The following UBQLN3 variants were observed in gnomAD, a reference collection of about 807,000 sequenced individuals.
The protein encoded by UBQLN3 is ubiquilin 3, also known as ubiquilin-3.
In UBQLN3, 1 loss-of-function variant was observed where a neutral mutation model predicts 2.9. The observed-to-expected ratio is 0.35, with a 90% CI of 0.12 to 1.66. The LOEUF (loss-of-function observed/expected upper bound fraction) is 1.66. Ranked by LOEUF, UBQLN3 falls within the 40% of genes most tolerant of loss-of-function variation. The pLI is 0.35. For synonymous variants in UBQLN3, 358 were observed against 317.6 expected, an observed-to-expected ratio of 1.13 and a Z score of -1.35; for missense variants, 924 against 816.5, an observed-to-expected ratio of 1.13 and a Z score of -1.61.
chr11:5,508,537 C>A lies in UBQLN3; in HGVS notation c.1022G>T (p.Arg341Met), dbSNP rs767190565. The A allele has an allele frequency of 2.5e-6, 4 of 1,614,130 alleles. No homozygotes were observed. The highest frequency in any genetic ancestry group is 1.7e-5 in the Admixed American group (1 of 60,014). Reference sequence around the variant, plus strand: ...TAATTGCTGGAGATAGTCATAGAGCCTTATAATACCCAGAAAGTTTGGAAA... The same window carrying A: ...TAATTGCTGGAGATAGTCATAGAGCATTATAATACCCAGAAAGTTTGGAAA... ...NRFPNFLGII[R>M]LYDYLQQLHE... Residue 341 changes from arginine (R) to methionine (M), a missense_variant, in exon 2 of 2, where the codon AGG becomes ATG. Transcript: ENST00000311659. This position sits in a 1 kb window ranked among gnomAD's most constrained non-coding sequence, Gnocchi z 4.2.
At position 5,508,584 on chromosome 11, in the gene UBQLN3, A is replaced by C. The variant is rs780175402; in HGVS notation, c.975T>G (p.Asp325Glu). The C allele has an allele frequency of 1.2e-6, 2 of 1,614,110 alleles. No homozygotes were observed. Among genetic ancestry groups the C allele is most frequent in the Non-Finnish European group, 1.7e-6 (2 of 1,180,014 alleles). ...GAAACCTATTTCTAATGTCAGGTGC[A>C]TCCTGATCCCCATCCTGCCTTCCTT... ...SRQGRQDGDQ[D>E]APDIRNRFPN... Residue 325 changes from aspartate to glutamate, a missense_variant, in exon 2 of 2, where the codon GAT becomes GAG. By Grantham distance (45) the Asp-to-Glu change is conservative. Transcript: ENST00000311659. The surrounding 1 kb of genome is among the most constrained non-coding windows in gnomAD (Gnocchi z 4.2).
At position 5,507,684 on chromosome 11, in the gene UBQLN3, G is replaced by A; in HGVS notation, c.1875C>T (p.Ser625=). 1 of 1,614,126 alleles carries A rather than the reference G, an allele frequency of 6.2e-7. No homozygotes were observed. The highest frequency in any genetic ancestry group is 1.3e-5 in the African/African-American group (1 of 75,050). The change falls in exon 2 of 2, where the codon TCC becomes TCT. Residue 625 remains serine, a synonymous_variant. Coordinates refer to ENST00000311659, the MANE Select transcript of UBQLN3 (RefSeq NM_017481.4). ...HFQVQLEQLR[S]MGFLNREANL... is the part of the protein sequence containing the mutation. ...TGGCTTCACGATTCAGAAAGCCCAT[G>A]GACCGCAGTTGCTCCAGCTGCACCT...
rs1312221208 is a variant in UBQLN3, at chr11:5,507,370, G to A, written c.*221C>T. ...GCAGAGCTTAGACTGGGGCCCCCCA[G>A]TGGTATAGTGGTACAAGTGGTTGAC... is the stretch of plus-strand genomic sequence containing the variant. On this transcript the variant is annotated 3_prime_UTR_variant, in exon 2 of 2. Coordinates refer to ENST00000311659, the MANE Select transcript of UBQLN3 (RefSeq NM_017481.4). 1.4e-5 allele frequency: 12 copies of A among 861,764 alleles called. No individual in the cohort carries two copies. The highest frequency in any genetic ancestry group is 1.8e-5 in the Non-Finnish European group (11 of 611,222). The allele number at this position is 861,764 out of a possible 1,614,324, so 53.4% of individuals were successfully genotyped here. A position where few individuals can be genotyped will look rare whatever the true frequency, so the allele number is the denominator to read the frequency against.
chr11:5,507,636 C>G lies in UBQLN3; in HGVS notation c.1923G>C (p.Thr641=), dbSNP rs146055311. Residue 641 remains threonine, a synonymous_variant, in exon 2 of 2, where the codon ACG becomes ACC. Coordinates refer to ENST00000311659, the MANE Select transcript of UBQLN3 (RefSeq NM_017481.4). ...CCACAGCAGCATCCACGTCGCCCCC[C>G]GTAGCAATGAGGGCCTGAAGATTGG... The part of the protein sequence containing the change: ...REANLQALIA[T]GGDVDAAVEK... 2.5e-6 allele frequency: 4 copies of G among 1,613,464 alleles called. No individual in the cohort carries two copies. The highest frequency in any genetic ancestry group is 1.3e-5 in the African/African-American group (1 of 74,926).
In UBQLN3 at chr11:5,509,500, T is replaced by C. The variant is rs919277785; in HGVS notation, c.59A>G (p.His20Arg). The part of the protein sequence containing the change: ...QGSPAPVQDP[H>R]LIKVTVKTPK... ...CGTCTTCACTGTCACCTTGATGAGG[T>C]GGGGATCCTGGACTGGTGCTGGGCT... The change falls in exon 2 of 2, where the codon CAC (histidine) becomes CGC (arginine). Residue 20 changes from histidine to arginine, a missense_variant. Transcript: ENST00000311659. 1 of 1,614,214 alleles carries C rather than the reference T, an allele frequency of 6.2e-7. No individual in the cohort carries two copies.
chr11:5,508,264 T>C lies in UBQLN3; in HGVS notation c.1295A>G (p.Lys432Arg), dbSNP rs748040510. The stretch of plus-strand genomic sequence containing the variant: ...GTTTGTGCTATGTCCAGTAGAGCTT[T>C]TCCCTGCACCATCTTGGTCTCCACC... ...GQGGDQDGAG[K>R]SSTGHSTNLP... Residue 432 changes from lysine (K) to arginine (R), a missense_variant, in exon 2 of 2, where the codon AAA becomes AGA. Lys to Arg is a conservative substitution (Grantham distance 26). Coordinates refer to ENST00000311659, the MANE Select transcript of UBQLN3 (RefSeq NM_017481.4). The surrounding 1 kb of genome is among the most constrained non-coding windows in gnomAD (Gnocchi z 4.2). The C allele has an allele frequency of 1.4e-5, 23 of 1,614,110 alleles. No individual in the cohort carries two copies. The highest frequency in any genetic ancestry group is 1.9e-5 in the Non-Finnish European group (23 of 1,180,012).
rs201418579 is a variant in UBQLN3, at chr11:5,509,116, C to T, written c.443G>A (p.Arg148His). Residue 148 changes from arginine to histidine, a missense_variant, in exon 2 of 2, where the codon CGT becomes CAT. By Grantham distance (29) the Arg-to-His change is conservative. Transcript: ENST00000311659. Reference protein sequence around the residue: ...TGLSRLGLAYRGFPDQPSSLM... With the variant: ...TGLSRLGLAYHGFPDQPSSLM... Reference sequence around the variant, plus strand: ...GGAGCTTGGCTGGTCAGGGAAGCCACGATAGGCCAAGCCCAGCCTACTGAG... The same window carrying T: ...GGAGCTTGGCTGGTCAGGGAAGCCATGATAGGCCAAGCCCAGCCTACTGAG... 71 of 1,614,108 alleles carry T rather than the reference C, an allele frequency of 4.4e-5. 1 individual carries two copies. In the Middle Eastern group the frequency reaches 5.0e-4, roughly 11 times the overall value.
In UBQLN3 at chr11:5,509,384, C is replaced by A. The variant is rs556714553; in HGVS notation, c.175G>T (p.Asp59Tyr). 2 of 1,614,120 alleles carry A rather than the reference C, an allele frequency of 1.2e-6. No individual in the cohort carries two copies. The highest frequency in any genetic ancestry group is 1.7e-6 in the Non-Finnish European group (2 of 1,180,002). ...EISQRFKAHPDQLVLIFAGKI... is the reference protein window; with the variant it reads ...EISQRFKAHPYQLVLIFAGKI... ...CCAGCAAAGATTAGAACAAGCTGAT[C>A]GGGGTGGGCCTTAAAGCGCTGAGAT... is the stretch of plus-strand genomic sequence containing the variant. The change falls in exon 2 of 2, where the codon GAT becomes TAT. Residue 59 changes from aspartate to tyrosine, a missense_variant. By Grantham distance (160) the Asp-to-Tyr change is radical. Transcript: ENST00000311659.
chr11:5,508,039 A>T lies in UBQLN3; in HGVS notation c.1520T>A (p.Leu507Gln). Residue 507 changes from leucine to glutamine, a missense_variant, in exon 2 of 2, where the codon CTG (leucine) becomes CAG (glutamine). Transcript: ENST00000311659. This position sits in a 1 kb window ranked among gnomAD's most constrained non-coding sequence, Gnocchi z 4.2. ...CATGGCTGCCTGAAGGTGCATCAGC[A>T]GTGGCAGCTGTGGTTGTATCTCATC... ...LQDEIQPQLP[L>Q]LMHLQAAMAN... 6.2e-7 allele frequency: 1 copy of T among 1,614,046 alleles called. No individual in the cohort carries two copies. Among genetic ancestry groups the T allele is most frequent in the South Asian group, 1.1e-5 (1 of 91,082 alleles).
rs1019002730 is a variant in UBQLN3 at position 5,508,046 on chromosome 11, G to A, written c.1513C>T (p.Leu505=). 7.4e-6 allele frequency: 12 copies of A among 1,613,932 alleles called. No individual in the cohort carries two copies. The highest frequency in any genetic ancestry group is 5.5e-5 in the South Asian group (5 of 91,084). ...GCCTGAAGGTGCATCAGCAGTGGCA[G>A]CTGTGGTTGTATCTCATCCTGTAAC... ...PQLQDEIQPQ[L]PLLMHLQAAM... The change falls in exon 2 of 2, where the codon CTG becomes TTG. Residue 505 remains leucine, a synonymous_variant. Coordinates refer to ENST00000311659, the MANE Select transcript of UBQLN3 (RefSeq NM_017481.4). The surrounding 1 kb of genome is among the most constrained non-coding windows in gnomAD (Gnocchi z 4.2).
rs1846409837 is a variant in UBQLN3, at chr11:5,508,057, A to G, written c.1502T>C (p.Ile501Thr). 1 of 1,614,026 alleles carries G rather than the reference A, an allele frequency of 6.2e-7. No individual in the cohort carries two copies. Among genetic ancestry groups the G allele is most frequent in the Non-Finnish European group, 8.5e-7 (1 of 1,180,028 alleles). ...CATCAGCAGTGGCAGCTGTGGTTGT[A>G]TCTCATCCTGTAACTGTGGAGCTGG... The part of the protein sequence containing the change: ...MNPAPQLQDE[I>T]QPQLPLLMHL... Residue 501 changes from isoleucine (I) to threonine (T), a missense_variant, in exon 2 of 2, where the codon ATA becomes ACA. Ile to Thr is a moderately conservative substitution (Grantham distance 89, BLOSUM62 -1). Coordinates refer to ENST00000311659, the MANE Select transcript of UBQLN3 (RefSeq NM_017481.4). The surrounding 1 kb of genome is among the most constrained non-coding windows in gnomAD (Gnocchi z 4.2).
Position 5,508,641 on chromosome 11 carries a change from C to T in UBQLN3, c.918G>A (p.Trp306Ter). 1 of 1,614,046 alleles carries T rather than the reference C, an allele frequency of 6.2e-7. No homozygotes were observed. Among genetic ancestry groups the T allele is most frequent in the Non-Finnish European group, 8.5e-7 (1 of 1,180,008 alleles). The change falls in exon 2 of 2, where the codon TGG (tryptophan) becomes TGA (stop). Residue 306 changes from tryptophan (W) to a stop codon, truncating the protein, a stop_gained. Coordinates refer to ENST00000311659, the MANE Select transcript of UBQLN3 (RefSeq NM_017481.4). LOFTEE classifies it low-confidence loss of function (END_TRUNC). The surrounding 1 kb of genome is among the most constrained non-coding windows in gnomAD (Gnocchi z 4.2). ...TACCTGAGCCTCCATGTGTGGAAGT[C>T]CAGGGGTTGGGGAGAGGGTCACAAT... ...MENCDPLPNP[W>*]TSTHGGSGSR...
rs1846394840 is a variant in UBQLN3, at chr11:5,507,543, T to C, written c.*48A>G. On this transcript the variant is annotated 3_prime_UTR_variant, in exon 2 of 2. Transcript: ENST00000311659. ...ATGGGAGAGCTAGGGAACTAGGATA[T>C]GGGAAAAAGGCACAGAGGAAAACGT... 1 of 1,530,288 alleles carries C rather than the reference T, an allele frequency of 6.5e-7. No individual in the cohort carries two copies. Among genetic ancestry groups the C allele is most frequent in the Non-Finnish European group, 8.8e-7 (1 of 1,139,484 alleles). The allele number at this position is 1,530,288 out of a possible 1,614,324, so 94.8% of individuals were successfully genotyped here. A position where few individuals can be genotyped will look rare whatever the true frequency, so the allele number is the denominator to read the frequency against.
Position 5,508,942 on chromosome 11 carries a change from T to G in UBQLN3, c.617A>C (p.Glu206Ala). The change falls in exon 2 of 2, where the codon GAG becomes GCG. Residue 206 changes from glutamate to alanine, a missense_variant. By Grantham distance (107) the Glu-to-Ala change is moderately radical. Coordinates refer to ENST00000311659, the MANE Select transcript of UBQLN3 (RefSeq NM_017481.4). This position sits in a 1 kb window ranked among gnomAD's most constrained non-coding sequence, Gnocchi z 4.2. Reference protein sequence around the residue: ...HMQQLIQHNPEIGHILNNPEI... With the variant: ...HMQQLIQHNPAIGHILNNPEI... ...CGGGTTGTTAAGAATATGCCCAATC[T>G]CAGGGTTGTGCTGGATCAGCTGCTG... 2 of 1,614,132 alleles carry G rather than the reference T, an allele frequency of 1.2e-6. No homozygotes were observed. Among genetic ancestry groups the G allele is most frequent in the South Asian group, 1.1e-5 (1 of 91,080 alleles).
Position 5,509,355 on chromosome 11 carries a change from T to G in UBQLN3, c.204A>C (p.Lys68Asn), listed in dbSNP as rs767042348. 5 of 1,614,152 alleles carry G rather than the reference T, an allele frequency of 3.1e-6. No individual in the cohort carries two copies. In the South Asian group the frequency reaches 5.5e-5, roughly 18 times the overall value. The change falls in exon 2 of 2, where the codon AAA becomes AAC. Residue 68 changes from lysine (K) to asparagine (N), a missense_variant. Physicochemically the swap from Lys to Asn is moderately conservative, Grantham distance 94 (BLOSUM62 0). Coordinates refer to ENST00000311659, the MANE Select transcript of UBQLN3 (RefSeq NM_017481.4). ...PDQLVLIFAG[K>N]ILKDPDSLAQ... ...CCAGTGAGTCAGGATCCTTGAGGAT[T>G]TTGCCAGCAAAGATTAGAACAAGCT...
In UBQLN3 at chr11:5,507,871, T is replaced by C. The variant is rs1455160763; in HGVS notation, c.1688A>G (p.Glu563Gly). 6.2e-7 allele frequency: 1 copy of C among 1,613,788 alleles called. No individual in the cohort carries two copies. Among genetic ancestry groups the C allele is most frequent in the Non-Finnish European group, 8.5e-7 (1 of 1,180,032 alleles). Reference sequence around the variant, plus strand: ...AGGATCCTCAGACATAAGGGGATCTTCTCTAGACTCTATACCTCCTGCCAC... The same window carrying C: ...AGGATCCTCAGACATAAGGGGATCTCCTCTAGACTCTATACCTCCTGCCAC... ...GSVAGGIESR[E>G]DPLMSEDPLP... Residue 563 changes from glutamate to glycine, a missense_variant, in exon 2 of 2, where the codon GAA becomes GGA. By Grantham distance (98) the Glu-to-Gly change is moderately conservative. Transcript: ENST00000311659.
rs1846421619 is a variant in UBQLN3 at position 5,508,593 on chromosome 11, C to G, written c.966G>C (p.Gly322=). ...TTCTAATGTCAGGTGCATCCTGATCCCCATCCTGCCTTCCTTGCCTGCTAC... is the reference window on the plus strand; with the variant it reads ...TTCTAATGTCAGGTGCATCCTGATCGCCATCCTGCCTTCCTTGCCTGCTAC... The part of the protein sequence containing the change: ...GSGSRQGRQD[G]DQDAPDIRNR... Residue 322 remains glycine, a synonymous_variant, in exon 2 of 2, where the codon GGG becomes GGC. Transcript: ENST00000311659. The surrounding 1 kb of genome is among the most constrained non-coding windows in gnomAD (Gnocchi z 4.2). The G allele has an allele frequency of 1.2e-6, 2 of 1,613,916 alleles. No homozygotes were observed. Among genetic ancestry groups the G allele is most frequent in the South Asian group, 2.2e-5 (2 of 91,076 alleles).
Position 5,507,367 on chromosome 11 carries a change from C to T in UBQLN3, c.*224G>A. 1 of 833,828 alleles carries T rather than the reference C, an allele frequency of 1.2e-6. No individual in the cohort carries two copies. The highest frequency in any genetic ancestry group is 1.7e-6 in the Non-Finnish European group (1 of 589,144). The allele number at this position is 833,828 out of a possible 1,614,324, so 51.7% of individuals were successfully genotyped here. Reference sequence around the variant, plus strand: ...TAAGCAGAGCTTAGACTGGGGCCCCCCAGTGGTATAGTGGTACAAGTGGTT... The same window carrying T: ...TAAGCAGAGCTTAGACTGGGGCCCCTCAGTGGTATAGTGGTACAAGTGGTT... On this transcript the variant is annotated 3_prime_UTR_variant, in exon 2 of 2. Coordinates refer to ENST00000311659, the MANE Select transcript of UBQLN3 (RefSeq NM_017481.4).
Position 5,509,243 on chromosome 11 carries a change from A to AG in UBQLN3, c.315dup (p.Ser106LeufsTer28). 6.2e-7 allele frequency: 1 copy of AG among 1,614,158 alleles called. No individual in the cohort carries two copies. Among genetic ancestry groups the AG allele is most frequent in the Non-Finnish European group, 8.5e-7 (1 of 1,180,016 alleles). ...GGACTTGGGCCCTGGGTAGGGACAG[A>AG]GGCAGCTGGGCACTCATTGCCCATG... On this transcript the variant is annotated frameshift_variant, in exon 2 of 2. Coordinates refer to ENST00000311659, the MANE Select transcript of UBQLN3 (RefSeq NM_017481.4). LOFTEE classifies it low-confidence loss of function (END_TRUNC).
Sources: allele counts gnomAD v4.1 joint callset, GRCh38; gene constraint gnomAD v4.1.1; non-coding constraint Gnocchi (gnomAD v3.1); transcripts MANE v1.5; gene names NCBI Gene and HGNC (gene_info 2026-07-23, HGNC 2026-07-21).